UBE2R2: variants seen among roughly 807,000 people sequenced by gnomAD.
UBE2R2 encodes ubiquitin-conjugating enzyme E2 R2.
Under a neutral mutation model 27.8 loss-of-function variants are expected in UBE2R2, and 1 was observed. The observed-to-expected ratio is 0.04, with a 90% CI of 0.01 to 0.17. The LOEUF is 0.17. UBE2R2 is among the 10% of genes least tolerant of loss of function. The pLI is 1.00. For synonymous variants in UBE2R2, 106 were observed against 113.3 expected, an observed-to-expected ratio of 0.94 and a Z score of 0.41; for missense variants, 100 against 291.0, an observed-to-expected ratio of 0.34 and a Z score of 4.78.
At chr9:33,818,459 A>T (rs72725370) in intron 1 of UBE2R2, among the ~76,000 whole-genome samples, 10,329 of 143,246 alleles carry the variant, frequency 0.072, 575 homozygotes, top group Non-Finnish European at 0.11. Flanking sequence ...TTTGTTGGGC[A>T]TCTTGGGTAG....
rs1821299011 is a variant in UBE2R2 at position 33,863,743 on chromosome 9, A to G, written c.178-23138A>G. ...TGTGTCATTCACTCTGCTGGAGTGC[A>G]GTGGCATGATCTCGGTTCACTGCAT... is the stretch of plus-strand genomic sequence containing the variant. On this transcript the variant is annotated intron_variant, in intron 1 of 4. Transcript: ENST00000263228. 2.6e-5 allele frequency among the ~76,000 whole-genome samples: 4 copies of G among 152,060 alleles called. No individual in the cohort carries two copies. In the South Asian group the frequency reaches 8.3e-4, roughly 32 times the overall value.
At chr9:33,851,310 A>G (rs1409874405) in intron 1 of UBE2R2, among the ~76,000 whole-genome samples, 3 of 152,232 alleles carry the variant, frequency 2.0e-5, no homozygotes, top group Non-Finnish European at 4.4e-5. Context: ...AGACAAGTGC[A>G]TTCCACATCA....
chr9:33,879,026 G>A (rs1821674996), intron 1 of UBE2R2, among the ~76,000 whole-genome samples: 1 of 152,124 alleles, frequency 6.6e-6, no homozygotes, highest in African/African-American at 2.4e-5. Flanking sequence ...AGGATTGCTT[G>A]AGCCCAGAAG....
At chr9:33,898,279 A>C (rs1822167545) in intron 2 of UBE2R2, among the ~76,000 whole-genome samples, 1 of 151,628 alleles carries the variant, frequency 6.6e-6, no homozygotes, top group Non-Finnish European at 1.5e-5. Context: ...ATGGGGTTTC[A>C]TCATACTGGC....
intron 3 of UBE2R2, among the ~76,000 whole-genome samples, chr9:33,910,667 A>G (rs1822463972): frequency 6.6e-6 from 1 of 152,200 alleles, no homozygotes; most frequent in Non-Finnish European, 1.5e-5. Flanking sequence ...AAAGATTTCT[A>G]TTATTCAGAG....
At chr9:33,909,153 T>A (rs1366170270) in intron 3 of UBE2R2, among the ~76,000 whole-genome samples, 1 of 152,146 alleles carries the variant, frequency 6.6e-6, no homozygotes, top group African/African-American at 2.4e-5. Flanking sequence ...GTCGTCGTCA[T>A]TGAAAGTTAT....
At chr9:33,822,903 T>C (rs1249250421) in intron 1 of UBE2R2, among the ~76,000 whole-genome samples, 1 of 139,080 alleles carries the variant, frequency 7.2e-6, no homozygotes, top group East Asian at 2.0e-4. Context: ...CTTCTTCTTA[T>C]TAATTTTTTT....
At chr9:33,900,111 C>T (rs10971774) in intron 2 of UBE2R2, 63 bp from the exon 3 acceptor site, 127,056 of 1,312,148 alleles carry the variant, frequency 0.097, 7,290 homozygotes, top group Non-Finnish European at 0.11. Flanking sequence ...ACTTTAGAAC[C>T]GATGTCCCTT....
At chr9:33,828,437 T>C (rs1400562455) in intron 1 of UBE2R2, among the ~76,000 whole-genome samples, 2 of 149,662 alleles carry the variant, frequency 1.3e-5, no homozygotes, top group Admixed American at 1.3e-4. Flanking sequence ...TCGTCCACGC[T>C]GGAGTGCAGT....
At chr9:33,907,589 T>G (rs1782568113) in intron 3 of UBE2R2, among the ~76,000 whole-genome samples, 1 of 151,046 alleles carries the variant, frequency 6.6e-6, no homozygotes, top group African/African-American at 2.4e-5. Context: ...AGACGTGGAG[T>G]AGAGAAGGGT....
intron 2 of UBE2R2, among the ~76,000 whole-genome samples, chr9:33,889,244 T>C (rs1821927472): frequency 1.3e-5 from 2 of 152,202 alleles, no homozygotes; most frequent in African/African-American, 4.8e-5. Context: ...TTGCTCACAA[T>C]TCTGGAGGCT....
At chr9:33,867,481 G>A (rs1821390427) in intron 1 of UBE2R2, among the ~76,000 whole-genome samples, 1 of 152,152 alleles carries the variant, frequency 6.6e-6, no homozygotes, top group African/African-American at 2.4e-5. Context: ...TACAGGTGTA[G>A]TAAGATTGCC....
At chr9:33,825,113 G>A (rs1402586343) in intron 1 of UBE2R2, among the ~76,000 whole-genome samples, 1 of 152,086 alleles carries the variant, frequency 6.6e-6, no homozygotes, top group East Asian at 1.9e-4. Context: ...CTTAAAGATA[G>A]TAAGTGAAAG....
At chr9:33,872,391 A>G (rs947740161) in intron 1 of UBE2R2, among the ~76,000 whole-genome samples, 1 of 152,134 alleles carries the variant, frequency 6.6e-6, no homozygotes, top group Non-Finnish European at 1.5e-5. Flanking sequence ...ACCTTGTTTC[A>G]AAAGAAGAAA....
intron 3 of UBE2R2, among the ~76,000 whole-genome samples, chr9:33,901,986 TCAGCA>T (rs1411573158): frequency 6.7e-6 from 1 of 149,940 alleles, no homozygotes; most frequent in Non-Finnish European, 1.5e-5. Context: ...CGGTCACGGC[TCAGCA>T]CAGCCTCAAC....
At chr9:33,827,915 G>A (rs868696813) in intron 1 of UBE2R2, among the ~76,000 whole-genome samples, 1 of 150,960 alleles carries the variant, frequency 6.6e-6, no homozygotes. Flanking sequence ...AGGTTGCAGT[G>A]AGCCCAGATT....
Position 33,837,282 on chromosome 9 carries a change from G to A in UBE2R2, c.177+19348G>A, listed in dbSNP as rs770594744. Among the ~76,000 whole-genome samples, 24 of 152,028 alleles carry A rather than the reference G, an allele frequency of 1.6e-4. No individual in the cohort carries two copies. In the Middle Eastern group the frequency reaches 0.01, roughly 65 times the overall value. On this transcript the variant is annotated intron_variant, in intron 1 of 4. Transcript: ENST00000263228. ...GGCTTAGGCTGGAGTGCAGGGGTGC[G>A]ATCAAGGCTCACTGCAGCCTCAGCC...
At chr9:33,884,801 T>C (rs1221931669) in intron 1 of UBE2R2, among the ~76,000 whole-genome samples, 2 of 152,176 alleles carry the variant, frequency 1.3e-5, no homozygotes, top group African/African-American at 4.8e-5. Flanking sequence ...GGACCATACT[T>C]TGTTCATAGC....
At chr9:33,856,811 G>T (rs922434090) in intron 1 of UBE2R2, among the ~76,000 whole-genome samples, 1 of 140,768 alleles carries the variant, frequency 7.1e-6, no homozygotes, top group Non-Finnish European at 1.5e-5. Context: ...CTGTCCTTCC[G>T]TCCTTCCATC....
Sources: gnomAD v4.1 joint callset for allele counts (sites outside exome capture counted in the v4.1 genomes callset) on GRCh38, gnomAD v4.1.1 for gene constraint, MANE v1.5 for transcripts, NCBI Gene and HGNC (gene_info 2026-07-23, HGNC 2026-07-21) for gene names.